The following CTBP1 variants were observed in gnomAD, a reference collection of about 807,000 sequenced individuals.
The protein encoded by CTBP1 is C-terminal binding protein 1, also known as C-terminal-binding protein 1.
Under a neutral mutation model 42.1 loss-of-function variants are expected in CTBP1, and 11 were observed. The observed-to-expected ratio is 0.26, with a 90% CI of 0.16 to 0.43. The LOEUF is 0.43. Among genes scored for constraint, CTBP1 ranks in the 20% least tolerant of loss-of-function variants. The pLI, the probability that CTBP1 is intolerant of heterozygous loss-of-function variation, is 1.00. For synonymous variants in CTBP1, 324 were observed against 277.1 expected (o/e 1.17, Z -1.68); for missense variants, 399 against 624.3 (o/e 0.64, Z 3.85).
chr4:1,247,091 C>G (rs1024128387), intron 1 of CTBP1, among the ~76,000 whole-genome samples: 2 of 152,252 alleles, frequency 1.3e-5, no homozygotes, highest in South Asian at 4.1e-4. Flanking sequence ...TCTCCTCCCC[C>G]ACTGCCACGT....
intron 6 of CTBP1, chr4:1,215,506 G>A: frequency 4.3e-6 from 1 of 234,264 alleles, no homozygotes; most frequent in Non-Finnish European, 8.6e-6. Flanking sequence ...ACTGCGAGCT[G>A]TGCTGAGGCA....
intron 1 of CTBP1, among the ~76,000 whole-genome samples, chr4:1,247,380 G>A (rs1052851618): frequency 6.6e-6 from 1 of 152,082 alleles, no homozygotes; most frequent in Non-Finnish European, 1.5e-5. Flanking sequence ...ATCACAGAGA[G>A]CAAAAGGCGT....
Position 1,238,459 on chromosome 4 carries a change from A to G in CTBP1, c.8-122T>C, listed in dbSNP as rs778071858. Reference sequence around the variant, plus strand: ...GACCGCCGGGGGTTTTCTGGTCTATATGTTGTGATATTTGTAAAAAGTAAA... The same window carrying G: ...GACCGCCGGGGGTTTTCTGGTCTATGTGTTGTGATATTTGTAAAAAGTAAA... On this transcript the variant is annotated intron_variant, in intron 2 of 9. Coordinates refer to ENST00000382952, the MANE Select transcript of CTBP1 (RefSeq NM_001012614.2). The surrounding 1 kb of genome is among the most constrained non-coding windows in gnomAD (Gnocchi z 5.9). 1.3e-5 allele frequency: 15 copies of G among 1,146,330 alleles called. No individual in the cohort carries two copies. Among genetic ancestry groups the G allele is most frequent in the Non-Finnish European group, 1.5e-5 (13 of 839,820 alleles). 71.0% of individuals were successfully genotyped at this position (1,146,330 alleles called of 1,614,324 possible). A position where few individuals can be genotyped will look rare whatever the true frequency, so the allele number is the denominator to read the frequency against.
chr4:1,212,722 C>G (rs1728675642), intron 9 of CTBP1, 191 bp downstream of exon 9: 1 of 633,720 alleles, frequency 1.6e-6, no homozygotes, highest in Admixed American at 2.9e-5. Flanking sequence ...TGAAGGCCAC[C>G]CCAGCCCAGG....
At chr4:1,243,952 G>A in intron 1 of CTBP1, 3 of 985,482 alleles carry the variant, frequency 3.0e-6, no homozygotes, top group Non-Finnish European at 3.6e-6. Flanking sequence ...CACGAGGGAA[G>A]TGAGTGTAGA....
intron 1 of CTBP1, chr4:1,242,514 C>CA: frequency 1.0e-6 from 1 of 985,046 alleles, no homozygotes; most frequent in Non-Finnish European, 1.2e-6. Context: ...GACAAATCTC[C>CA]AACCCTCAAC....
Position 1,213,418 on chromosome 4 carries a change from G to A in CTBP1, c.988+60C>T, listed in dbSNP as rs941047580. The A allele has an allele frequency of 1.6e-5, 25 of 1,596,590 alleles. No homozygotes were observed. The African/African-American group carries it at 2.8e-4, about 18-fold the overall frequency. ...GGCTGCCAGGCGGATGCGAGCCCATGAGCATCTGGGGCTGGCAGGAAGGGA... is the reference window on the plus strand; with the variant it reads ...GGCTGCCAGGCGGATGCGAGCCCATAAGCATCTGGGGCTGGCAGGAAGGGA... On this transcript the variant is annotated intron_variant, in intron 8 of 9. Coordinates refer to ENST00000382952, the MANE Select transcript of CTBP1 (RefSeq NM_001012614.2).
In CTBP1 at chr4:1,238,139, C is replaced by G. The variant is rs200450670; in HGVS notation, c.162+44G>C. The G allele has an allele frequency of 1.8e-4, 289 of 1,612,028 alleles. No homozygotes were observed. The highest frequency in any genetic ancestry group is 1.5e-3 in the South Asian group (139 of 91,054). On this transcript the variant is annotated intron_variant, in intron 3 of 9. Transcript: ENST00000382952. This position sits in a 1 kb window ranked among gnomAD's most constrained non-coding sequence, Gnocchi z 5.9. Reference sequence around the variant, plus strand: ...CGTGCTCCCGTCCCTCCAACTCCCCCCAACGTGCGGTTCTGCCAGCCCCAG... The same window carrying G: ...CGTGCTCCCGTCCCTCCAACTCCCCGCAACGTGCGGTTCTGCCAGCCCCAG...
intron 1 of CTBP1, among the ~76,000 whole-genome samples, chr4:1,246,692 G>C (rs1732754380): frequency 6.6e-6 from 1 of 152,210 alleles, no homozygotes; most frequent in Non-Finnish European, 1.5e-5. Flanking sequence ...GTGACAGTCA[G>C]AGGAGAAAAA....
At chr4:1,229,251 A>C (rs1427200095) in intron 3 of CTBP1, among the ~76,000 whole-genome samples, 1 of 152,212 alleles carries the variant, frequency 6.6e-6, no homozygotes. Context: ...CACTGGGCAC[A>C]GGGTGGGGAT....
intron 5 of CTBP1, chr4:1,223,373 G>T (rs1577035097): frequency 2.2e-6 from 1 of 449,650 alleles, no homozygotes. Flanking sequence ...TCCAGGAAGA[G>T]ACAGGCACGT....
At position 1,230,814 on chromosome 4, in the gene CTBP1, G is replaced by A. The variant is rs139447720; in HGVS notation, c.163-2471C>T. 7.9e-5 allele frequency among the ~76,000 whole-genome samples: 12 copies of A among 152,338 alleles called. No homozygotes were observed. In the East Asian group the frequency reaches 1.3e-3, roughly 17 times the overall value. On this transcript the variant is annotated intron_variant, in intron 3 of 9. Transcript: ENST00000382952. The stretch of plus-strand genomic sequence containing the variant: ...GGTTGCTTCCTGCATCGGCTCTTCC[G>A]TGATGAAAATCTATCTCATCTAGGT...
chr4:1,221,732 G>A (rs953861758), intron 5 of CTBP1: 50 of 386,794 alleles, frequency 1.3e-4, no homozygotes, highest in Admixed American at 1.3e-3. Flanking sequence ...TCGCGGGGCC[G>A]CCACGGGAGA....
At chr4:1,244,302 C>G in intron 1 of CTBP1, 1 of 984,134 alleles carries the variant, frequency 1.0e-6, no homozygotes, top group Non-Finnish European at 1.2e-6. Context: ...TGGGGGTCAC[C>G]ATGGGCTGGG....
intron 1 of CTBP1, among the ~76,000 whole-genome samples, chr4:1,247,772 G>GGAC (rs745687154): frequency 1.9e-5 from 1 of 52,372 alleles, no homozygotes; most frequent in African/African-American, 5.0e-5. Flanking sequence ...CGGGGAGGGG[G>GGAC]GGGGGGCTCG....
chr4:1,226,950 G>A (rs1577044152), intron 4 of CTBP1, among the ~76,000 whole-genome samples: 1 of 152,076 alleles, frequency 6.6e-6, no homozygotes, highest in East Asian at 1.9e-4. Context: ...TGTATCCTAG[G>A]AAAAGGGAAG....
At chr4:1,228,513 C>T (rs948628551) in intron 3 of CTBP1, among the ~76,000 whole-genome samples, 170 bp from the exon 4 acceptor site, 3 of 152,248 alleles carry the variant, frequency 2.0e-5, no homozygotes, top group African/African-American at 7.2e-5. Context: ...CCGCCACGCG[C>T]GGCCCCTCAA....
intron 5 of CTBP1, chr4:1,216,561 C>T (rs1729138171): frequency 2.5e-6 from 1 of 399,444 alleles, no homozygotes; most frequent in Non-Finnish European, 4.6e-6. Context: ...CAACACATGT[C>T]CTCCGTGCCC....
intron 3 of CTBP1, among the ~76,000 whole-genome samples, chr4:1,231,369 A>G (rs1577054687): frequency 6.6e-6 from 1 of 152,070 alleles, no homozygotes; most frequent in Admixed American, 6.5e-5. Flanking sequence ...CCCAGAAACC[A>G]CCTCAAGCCA....
Sources: allele counts gnomAD v4.1 joint callset (sites outside exome capture counted in the v4.1 genomes callset), GRCh38; gene constraint gnomAD v4.1.1; non-coding constraint Gnocchi (gnomAD v3.1); transcripts MANE v1.5; gene names NCBI Gene and HGNC (gene_info 2026-07-23, HGNC 2026-07-21).